Variants in MROH1 observed in about 807,000 individuals in gnomAD.
The protein encoded by MROH1 is maestro heat-like repeat-containing protein family member 1.
MROH1 carries 117 observed loss-of-function variants against 116.5 expected under a neutral mutation model. The ratio of observed to expected loss-of-function variants is 1.00; its 90% CI spans 0.86 to 1.17. The LOEUF (loss-of-function observed/expected upper bound fraction) is 1.17, where lower values mean the gene tolerates loss of function less well. Ranked by LOEUF, MROH1 falls within the 50% of genes most tolerant of loss-of-function variation. The pLI, the probability that MROH1 is intolerant of heterozygous loss-of-function variation, is 0.00. For missense variants in MROH1, 1,873 were observed against 1,338.5 expected (o/e 1.40, Z -6.23); for synonymous variants, 921 against 583.9 (o/e 1.58, Z -8.32).
chr8:144,248,897 C>G lies in MROH1; in HGVS notation c.3141C>G (p.Pro1047=), dbSNP rs922411113. ...SVGQIIAKRL[P]PDQLISLLLT... ...CCTAGATTATTGCCAAGCGCCTCCC[C>G]CCAGACCAGCTCATCAGCCTCTTGC... Residue 1047 remains proline, a synonymous_variant, in exon 32 of 44, where the codon CCC becomes CCG. Coordinates refer to ENST00000326134, the MANE Select transcript of MROH1 (RefSeq NM_032450.3). The G allele has an allele frequency of 1.3e-6, 1 of 778,826 alleles. No homozygotes were observed. Among genetic ancestry groups the G allele is most frequent in the Non-Finnish European group, 2.4e-6 (1 of 417,218 alleles). The allele number at this position is 778,826 out of a possible 1,614,324, so 48.2% of individuals were successfully genotyped here.
chr8:144,245,042 T>C (rs1386762348), intron 28 of MROH1, 114 bp from the exon 29 acceptor site: 1 of 755,116 alleles, frequency 1.3e-6, no homozygotes, highest in African/African-American at 1.7e-5. Flanking sequence ...CTTGGCCCCC[T>C]GTAGCCCAGG....
chr8:144,222,586 T>C, intron 13 of MROH1, among the ~76,000 whole-genome samples: 1 of 150,740 alleles, frequency 6.6e-6, no homozygotes, highest in East Asian at 2.0e-4. Flanking sequence ...GAGTGCAGGC[T>C]TAGGTGTGGA....
intron 4 of MROH1, chr8:144,175,219 C>A: frequency 2.2e-6 from 2 of 929,852 alleles, no homozygotes; most frequent in Non-Finnish European, 2.6e-6. Context: ...CCCTGCTGCA[C>A]CCAAGCTGCC....
chr8:144,239,343 G>C lies in MROH1; in HGVS notation c.1612G>C (p.Ala538Pro), dbSNP rs1840587842. Reference protein sequence around the residue: ...DAHASLPSPYAVTGRLLVVSS... With the variant: ...DAHASLPSPYPVTGRLLVVSS... The stretch of plus-strand genomic sequence containing the variant: ...TCCAGCGAGCCTCCCGTCTCCCTAT[G>C]CTGTAACCGGAAGACTGTTGGTGAG... Residue 538 changes from alanine (A) to proline (P), a missense_variant, in exon 17 of 44, where the codon GCT becomes CCT. Ala to Pro is a conservative substitution (Grantham distance 27). Coordinates refer to ENST00000326134, the MANE Select transcript of MROH1 (RefSeq NM_032450.3). The C allele has an allele frequency of 7.7e-6, 6 of 780,310 alleles. No individual in the cohort carries two copies. The South Asian group carries it at 8.0e-5, about 10-fold the overall frequency. 48.3% of individuals were successfully genotyped at this position (780,310 alleles called of 1,614,324 possible). A position where few individuals can be genotyped will look rare whatever the true frequency, so the allele number is the denominator to read the frequency against.
At position 144,182,843 on chromosome 8, in the gene MROH1, G is replaced by A. The variant is rs997143693; in HGVS notation, c.562+2320G>A. Among the ~76,000 whole-genome samples, 1 of 152,112 alleles carries A rather than the reference G, an allele frequency of 6.6e-6. No individual in the cohort carries two copies. The highest frequency in any genetic ancestry group is 1.5e-5 in the Non-Finnish European group (1 of 68,024). On this transcript the variant is annotated intron_variant, in intron 7 of 43. Transcript: ENST00000326134. The surrounding 1 kb of genome is among the most constrained non-coding windows in gnomAD (Gnocchi z 4.1). ...TGTAATCCCAGCACTTTGGAAAGCCGAAGCGGGCTGATCACTTGAGGTCAG... is the reference window on the plus strand; with the variant it reads ...TGTAATCCCAGCACTTTGGAAAGCCAAAGCGGGCTGATCACTTGAGGTCAG...
chr8:144,256,542 A>G (rs1843846566), intron 35 of MROH1, among the ~76,000 whole-genome samples: 1 of 152,194 alleles, frequency 6.6e-6, no homozygotes, highest in South Asian at 2.1e-4. Flanking sequence ...CTCTGCCCCT[A>G]GCAAACTGAG....
intron 14 of MROH1, among the ~76,000 whole-genome samples, chr8:144,223,556 G>T (rs1264369900): frequency 6.6e-6 from 1 of 152,176 alleles, no homozygotes; most frequent in Non-Finnish European, 1.5e-5. Flanking sequence ...CAGAGCCTCT[G>T]CATTGAGCCA....
chr8:144,198,579 A>C (rs1447115074), intron 10 of MROH1, among the ~76,000 whole-genome samples: 1 of 152,128 alleles, frequency 6.6e-6, no homozygotes, highest in Admixed American at 6.6e-5. Context: ...CACCATGCCC[A>C]GCCAACAGCC....
intron 38 of MROH1, 43 bp downstream of exon 38, chr8:144,260,100 TG>T (rs1371997793): frequency 1.1e-5 from 8 of 739,674 alleles, no homozygotes; most frequent in East Asian, 7.6e-5. Context: ...GCAGCATGGG[TG>T]GGGGGCTGTG....
At chr8:144,238,643 G>A (rs1009468713) in intron 14 of MROH1, 113 bp from the exon 15 acceptor site, 1 of 689,654 alleles carries the variant, frequency 1.5e-6, no homozygotes, top group East Asian at 2.7e-5. Flanking sequence ...TGGTGCACAT[G>A]TCTGCGTGAC....
chr8:144,215,863 ACT>A (rs1371332427), intron 12 of MROH1, among the ~76,000 whole-genome samples: 2 of 134,910 alleles, frequency 1.5e-5, no homozygotes, highest in African/African-American at 5.8e-5. Flanking sequence ...ATAGAGCGAG[ACT>A]CTGTCGCAAA....
Position 144,174,595 on chromosome 8 carries a change from T to C in MROH1, c.169-4860T>C, listed in dbSNP as rs1823348284. On this transcript the variant is annotated intron_variant, in intron 4 of 43. Transcript: ENST00000326134. ...ATCTCCCGTACACAAGTGATCCTCC[T>C]GCTTCAGCCTCCGAAGTAGCTGGGA... Among the ~76,000 whole-genome samples, 3 of 151,972 alleles carry C rather than the reference T, an allele frequency of 2.0e-5. No homozygotes were observed. In the South Asian group the frequency reaches 6.2e-4, roughly 32 times the overall value.
intron 35 of MROH1, among the ~76,000 whole-genome samples, chr8:144,256,198 G>A (rs1233173423): frequency 2.0e-5 from 3 of 152,154 alleles, no homozygotes; most frequent in East Asian, 1.9e-4. Flanking sequence ...CCTGCCTGGG[G>A]CCATAGCACA....
intron 12 of MROH1, among the ~76,000 whole-genome samples, chr8:144,217,348 C>T (rs1292524912): frequency 2.0e-5 from 3 of 152,156 alleles, no homozygotes; most frequent in African/African-American, 7.2e-5. Context: ...TATATGTGTA[C>T]GGTGTATATG....
chr8:144,170,789 G>A (rs1193540876), intron 4 of MROH1, among the ~76,000 whole-genome samples: 4 of 152,200 alleles, frequency 2.6e-5, no homozygotes, highest in Non-Finnish European at 4.4e-5. Context: ...AAGGGGTGCT[G>A]GGCCTCACGG....
intron 12 of MROH1, chr8:144,213,030 C>T (rs1212859733): frequency 1.3e-6 from 1 of 779,762 alleles, no homozygotes; most frequent in Non-Finnish European, 2.4e-6. Flanking sequence ...ATGTTGCCAT[C>T]AGCAGTCACA....
At chr8:144,184,427 A>G (rs984021611) in intron 7 of MROH1, among the ~76,000 whole-genome samples, 1 of 152,208 alleles carries the variant, frequency 6.6e-6, no homozygotes, top group Non-Finnish European at 1.5e-5. Flanking sequence ...AGCACACAAA[A>G]AAAGGAGCAT....
chr8:144,179,249 C>T (rs548313027), intron 4 of MROH1, among the ~76,000 whole-genome samples: 32 of 152,208 alleles, frequency 2.1e-4, no homozygotes, highest in Non-Finnish European at 4.3e-4. Flanking sequence ...CGCAGGATAA[C>T]GCTCCACCCT....
chr8:144,202,238 G>T (rs1023057856), intron 12 of MROH1, among the ~76,000 whole-genome samples: 5 of 152,114 alleles, frequency 3.3e-5, no homozygotes, highest in African/African-American at 9.6e-5. Context: ...GAGGCTGGCG[G>T]GGGGAGAGCC....
Sources: allele counts gnomAD v4.1 joint callset (sites outside exome capture counted in the v4.1 genomes callset), GRCh38; gene constraint gnomAD v4.1.1; non-coding constraint Gnocchi (gnomAD v3.1); transcripts MANE v1.5; gene names NCBI Gene and HGNC (gene_info 2026-07-23, HGNC 2026-07-21).